TNPO3: variants seen among roughly 807,000 people sequenced by gnomAD.
TNPO3 encodes the protein transportin-3.
Under a neutral mutation model 122.8 loss-of-function variants are expected in TNPO3, and 65 were observed. The ratio of observed to expected loss-of-function variants is 0.53; its 90% CI spans 0.43 to 0.65. The LOEUF is 0.65. TNPO3 is among the 30% of genes least tolerant of loss of function. TNPO3 has a pLI of 0.00. For missense variants in TNPO3, 850 were observed against 1,136.7 expected (o/e 0.75, Z 3.63); for synonymous variants, 372 against 411.2 (o/e 0.90, Z 1.15).
At chr7:129,033,435 A>C (rs1806181731) in intron 1 of TNPO3, among the ~76,000 whole-genome samples, 1 of 152,206 alleles carries the variant, frequency 6.6e-6, no homozygotes, top group Non-Finnish European at 1.5e-5. Flanking sequence ...ACGAAGCAAA[A>C]AAACCTCAGA....
chr7:128,955,652 C>T (rs1056287619), intron 22 of TNPO3, among the ~76,000 whole-genome samples: 10 of 152,290 alleles, frequency 6.6e-5, no homozygotes, highest in African/African-American at 2.4e-4. Context: ...GTCAGGAGGG[C>T]AAAGAGCCAG....
chr7:129,041,088 G>A (rs772941058), intron 1 of TNPO3, among the ~76,000 whole-genome samples: 2 of 152,158 alleles, frequency 1.3e-5, no homozygotes, highest in Admixed American at 6.5e-5. Context: ...CATCCAGCCA[G>A]GCATGGTGGC....
intron 1 of TNPO3, among the ~76,000 whole-genome samples, chr7:129,042,498 T>C (rs1456361998): frequency 5.9e-5 from 9 of 152,168 alleles, no homozygotes; most frequent in African/African-American, 2.2e-4. Flanking sequence ...ATCATTTTCA[T>C]GAGACGGGTA....
chr7:129,017,102 G>A, intron 2 of TNPO3, 46 bp from the exon 3 acceptor site: 1 of 1,512,294 alleles, frequency 6.6e-7, no homozygotes, highest in Non-Finnish European at 9.1e-7. Context: ...AACAGAAATA[G>A]GGTCACAATA....
chr7:129,007,918 A>C (rs1802753761), intron 4 of TNPO3, among the ~76,000 whole-genome samples: 1 of 152,156 alleles, frequency 6.6e-6, no homozygotes, highest in Non-Finnish European at 1.5e-5. Context: ...TGAGAGGCTG[A>C]GGTGGGTGGA....
intron 15 of TNPO3, among the ~76,000 whole-genome samples, chr7:128,979,471 G>A (rs1799417128): frequency 6.6e-6 from 1 of 152,212 alleles, no homozygotes; most frequent in African/African-American, 2.4e-5. Flanking sequence ...GAAGGTGGAA[G>A]AATTTGAACA....
chr7:129,025,187 A>C (rs1391721182), intron 1 of TNPO3, among the ~76,000 whole-genome samples: 2 of 151,054 alleles, frequency 1.3e-5, no homozygotes, highest in African/African-American at 4.9e-5. Flanking sequence ...CATCTCTACT[A>C]AAAATACAAA....
At chr7:129,027,505 G>A in intron 1 of TNPO3, among the ~76,000 whole-genome samples, 1 of 124,184 alleles carries the variant, frequency 8.1e-6, no homozygotes, top group Non-Finnish European at 1.6e-5. Context: ...ATGCTGTAGT[G>A]AGCCAAGAAC....
At chr7:128,964,870 G>A (rs1359312051) in intron 21 of TNPO3, among the ~76,000 whole-genome samples, 1 of 152,112 alleles carries the variant, frequency 6.6e-6, no homozygotes, top group Non-Finnish European at 1.5e-5. Flanking sequence ...AAATGGTGCT[G>A]GGAAAACTGG....
At chr7:128,962,670 C>T (rs139289664) in intron 21 of TNPO3, among the ~76,000 whole-genome samples, 1 of 152,312 alleles carries the variant, frequency 6.6e-6, no homozygotes, top group Non-Finnish European at 1.5e-5. Flanking sequence ...TTAGCTCTTA[C>T]TTCTGTTCAT....
rs1585331343 is a variant in TNPO3, at chr7:128,980,009, T to C, written c.1882A>G (p.Asn628Asp). 6.2e-7 allele frequency: 1 copy of C among 1,614,126 alleles called. No homozygotes were observed. Residue 628 changes from asparagine to aspartate, a missense_variant, in exon 15 of 23, where the codon AAT becomes GAT. Coordinates refer to ENST00000265388, the MANE Select transcript of TNPO3 (RefSeq NM_012470.4). ...IFRHTNPIVE[N>D]GQTHPCQKVI... ...TTCTGACACGGATGAGTCTGTCCAT[T>C]TTCCACAATGGGATTGGTATGCCTG...
chr7:129,000,788 T>C (rs1179715873), intron 6 of TNPO3, among the ~76,000 whole-genome samples: 1 of 152,220 alleles, frequency 6.6e-6, no homozygotes, highest in Non-Finnish European at 1.5e-5. Context: ...ATTAAAACAT[T>C]TGAATAAAAA....
intron 1 of TNPO3, among the ~76,000 whole-genome samples, chr7:129,022,820 A>T (rs1040814377): frequency 6.6e-6 from 1 of 152,214 alleles, no homozygotes; most frequent in African/African-American, 2.4e-5. Context: ...TGTTACTTGC[A>T]AAAATGTAGA....
In TNPO3 at chr7:128,974,800, G is replaced by T. The variant is rs555948092; in HGVS notation, c.2273+68C>A. On this transcript the variant is annotated intron_variant, in intron 18 of 22. Transcript: ENST00000265388. ...ATTTTACAAGAATAAAACAACCAAG[G>T]GTCAGATGGCAAGACTAAGCAGTGA... The T allele has an allele frequency of 4.9e-5, 63 of 1,281,726 alleles. 1 individual carries two copies. The South Asian group carries it at 7.2e-4, about 15-fold the overall frequency. 79.4% of individuals were successfully genotyped at this position (1,281,726 alleles called of 1,614,324 possible).
chr7:128,979,415 A>C (rs1799410825), intron 15 of TNPO3, among the ~76,000 whole-genome samples: 1 of 152,236 alleles, frequency 6.6e-6, no homozygotes, highest in Non-Finnish European at 1.5e-5. Context: ...CTATGAAAAG[A>C]ATTGGTACGA....
chr7:129,018,959 T>G (rs1460850423), intron 1 of TNPO3, among the ~76,000 whole-genome samples: 1 of 152,166 alleles, frequency 6.6e-6, no homozygotes, highest in African/African-American at 2.4e-5. Flanking sequence ...CCTCAGGTGA[T>G]CCCCCTGCCT....
intron 1 of TNPO3, among the ~76,000 whole-genome samples, chr7:129,039,878 T>C (rs1334922932): frequency 1.3e-5 from 2 of 152,128 alleles, no homozygotes; most frequent in East Asian, 1.9e-4. Context: ...GGCAAAACTC[T>C]ACAGACAGAA....
Position 128,997,412 on chromosome 7 carries a change from G to T in TNPO3, c.1135C>A (p.His379Asn). The change falls in exon 8 of 23, where the codon CAC becomes AAC. Residue 379 changes from histidine (H) to asparagine (N), a missense_variant. Transcript: ENST00000265388. ...ACATGGTCTGGTTCCAGCTGGCAGT[G>T]TCGAGCCAAGGCGTGAAGCAGCCTC... ...IQRLLHALAR[H>N]CQLEPDHEGV... is the part of the protein sequence containing the mutation. 6.2e-7 allele frequency: 1 copy of T among 1,614,194 alleles called. No homozygotes were observed. The highest frequency in any genetic ancestry group is 1.7e-5 in the Admixed American group (1 of 60,028).
intron 1 of TNPO3, among the ~76,000 whole-genome samples, chr7:129,047,899 G>A (rs73465007): frequency 1.9e-4 from 29 of 152,238 alleles, no homozygotes; most frequent in African/African-American, 7.0e-4. Context: ...CATTACTTTT[G>A]GTTACAAATG....
Sources: allele counts gnomAD v4.1 joint callset (sites outside exome capture counted in the v4.1 genomes callset), GRCh38; gene constraint gnomAD v4.1.1; transcripts MANE v1.5; gene names NCBI Gene and HGNC (gene_info 2026-07-23, HGNC 2026-07-21).